Variants in NELL1 observed in about 807,000 individuals in gnomAD.
The protein encoded by NELL1 is neural EGFL like 1, also known as protein kinase C-binding protein NELL1.
A neutral mutation model predicts 107.4 loss-of-function variants in NELL1; 76 were observed. That is an observed-to-expected ratio of 0.71 (90% CI 0.59 to 0.86). NELL1 has a LOEUF of 0.86. NELL1 is among the 40% of genes least tolerant of loss of function. The pLI is 0.00. For missense variants in NELL1, 1,024 were observed against 1,005.5 expected, an observed-to-expected ratio of 1.02 and a Z score of -0.25; for synonymous variants, 353 against 341.2, an observed-to-expected ratio of 1.03 and a Z score of -0.38.
At chr11:21,128,015 AAAG>A (rs1306798612) in intron 13 of NELL1, among the ~76,000 whole-genome samples, 1 of 152,074 alleles carries the variant, frequency 6.6e-6, no homozygotes, top group East Asian at 1.9e-4. Flanking sequence ...CAGTTTGGAC[AAAG>A]AGTGCGTCAC....
chr11:21,062,210 A>C (rs1469875315), intron 12 of NELL1, among the ~76,000 whole-genome samples: 1 of 152,222 alleles, frequency 6.6e-6, no homozygotes, highest in African/African-American at 2.4e-5. Flanking sequence ...ATCATTAATA[A>C]TTTTTTAGTG....
At chr11:21,421,322 C>A (rs1167480352) in intron 15 of NELL1, among the ~76,000 whole-genome samples, 1 of 152,068 alleles carries the variant, frequency 6.6e-6, no homozygotes, top group Non-Finnish European at 1.5e-5. Flanking sequence ...CAGGGGAAGC[C>A]TTGAACAATA....
intron 14 of NELL1, among the ~76,000 whole-genome samples, chr11:21,263,181 CCTT>C (rs1344250681): frequency 2.6e-5 from 4 of 151,788 alleles, no homozygotes; most frequent in African/African-American, 7.3e-5. Context: ...GTTCTCACAT[CCTT>C]CTTCTTGGGT....
At chr11:20,688,180 C>CT (rs143780997) in intron 2 of NELL1, among the ~76,000 whole-genome samples, 4 of 151,418 alleles carry the variant, frequency 2.6e-5, no homozygotes, top group African/African-American at 7.3e-5. Flanking sequence ...TGAGAGAGAA[C>CT]TTTTTTTTTA....
chr11:21,274,460 A>T (rs2133938810), intron 14 of NELL1, among the ~76,000 whole-genome samples: 1 of 152,324 alleles, frequency 6.6e-6, no homozygotes, highest in South Asian at 2.1e-4. Flanking sequence ...GGAGACTTTA[A>T]CACCCCACTG....
chr11:21,217,519 G>A (rs376305173), intron 13 of NELL1, among the ~76,000 whole-genome samples: 10 of 152,226 alleles, frequency 6.6e-5, no homozygotes, highest in African/African-American at 1.9e-4. Context: ...TCTTTTGGAT[G>A]ACATAGTAAA....
At chr11:21,417,520 G>A (rs1263960481) in intron 15 of NELL1, among the ~76,000 whole-genome samples, 2 of 151,776 alleles carry the variant, frequency 1.3e-5, no homozygotes, top group Non-Finnish European at 2.9e-5. Flanking sequence ...ACATGACCCT[G>A]TGGGTTTTTT....
At chr11:20,954,782 C>T (rs997656842) in intron 11 of NELL1, among the ~76,000 whole-genome samples, 9 of 152,246 alleles carry the variant, frequency 5.9e-5, no homozygotes, top group Middle Eastern at 3.4e-3. Flanking sequence ...TTTGTCTCAC[C>T]GGCCCTTCAC....
intron 2 of NELL1, among the ~76,000 whole-genome samples, chr11:20,712,556 T>G (rs984997182): frequency 1.3e-5 from 2 of 152,204 alleles, no homozygotes; most frequent in African/African-American, 4.8e-5. Context: ...GAACCTGTTT[T>G]GTCATGTTAT....
intron 2 of NELL1, among the ~76,000 whole-genome samples, chr11:20,712,155 A>C (rs908942): frequency 0.88 from 134,121 of 152,100 alleles, 59,573 homozygotes; most frequent in Middle Eastern, 0.92. Context: ...TTTAAAAATT[A>C]TTTTTTCTTT....
At chr11:21,465,866 T>G (rs935781877) in intron 15 of NELL1, among the ~76,000 whole-genome samples, 2 of 152,086 alleles carry the variant, frequency 1.3e-5, no homozygotes, top group African/African-American at 4.8e-5. Flanking sequence ...TACTTGAACA[T>G]TAAAAAAATC....
At chr11:20,912,186 C>A (rs1265479122) in intron 5 of NELL1, among the ~76,000 whole-genome samples, 3 of 152,068 alleles carry the variant, frequency 2.0e-5, no homozygotes, top group African/African-American at 7.2e-5. Flanking sequence ...CTGGTGGATC[C>A]TTGTGGATAG....
At chr11:21,299,511 ATGTGTGTGTGTGTGTGTGTGTG>A (rs71063696) in intron 14 of NELL1, among the ~76,000 whole-genome samples, 2,074 of 136,440 alleles carry the variant, frequency 0.015, 26 homozygotes, top group Non-Finnish European at 0.021. Flanking sequence ...ATTGTCTTAT[ATGTGTGTGTGTGTGTGTGTGTG>A]TGTGTGTGTG....
chr11:21,085,382 C>T (rs966887491), intron 12 of NELL1, among the ~76,000 whole-genome samples: 2 of 152,148 alleles, frequency 1.3e-5, no homozygotes, highest in Admixed American at 6.5e-5. Context: ...ACCTATAATA[C>T]CAGTACTTTG....
intron 1 of NELL1, 31 bp from the exon 2 acceptor site, chr11:20,677,901 T>TAAGCCC: frequency 6.2e-7 from 1 of 1,612,122 alleles, no homozygotes; most frequent in Non-Finnish European, 8.5e-7. Context: ...GTCTGCATTT[T>TAAGCCC]AAGCCCAAAC....
At chr11:21,065,027 G>A (rs533992088) in intron 12 of NELL1, among the ~76,000 whole-genome samples, 1 of 152,214 alleles carries the variant, frequency 6.6e-6, no homozygotes, top group Non-Finnish European at 1.5e-5. Context: ...GGTACATTGT[G>A]TAGACAAATC....
Position 21,031,808 on chromosome 11 carries a change from G to A in NELL1, c.1300+71248G>A, listed in dbSNP as rs144423370. Among the ~76,000 whole-genome samples the A allele has an allele frequency of 2.8e-4, 43 of 152,180 alleles. 1 individual carries two copies. Among genetic ancestry groups the A allele is most frequent in the African/African-American group, 9.9e-4 (41 of 41,540 alleles). On this transcript the variant is annotated intron_variant, in intron 12 of 19. Transcript: ENST00000357134. ...TCACGCCTGTAATCCCAGCACTTTGGAAGGGCGAGGCAGGCGGATCACCTG... is the reference window on the plus strand; with the variant it reads ...TCACGCCTGTAATCCCAGCACTTTGAAAGGGCGAGGCAGGCGGATCACCTG...
chr11:21,378,127 A>G (rs1289057583), intron 15 of NELL1, among the ~76,000 whole-genome samples: 2 of 151,922 alleles, frequency 1.3e-5, no homozygotes, highest in African/African-American at 4.8e-5. Flanking sequence ...AAGCTTTTAA[A>G]AAGTCTCTAG....
At chr11:21,307,972 A>C (rs894364371) in intron 14 of NELL1, among the ~76,000 whole-genome samples, 2 of 152,036 alleles carry the variant, frequency 1.3e-5, no homozygotes, top group African/African-American at 4.8e-5. Context: ...ATAGGAGCCA[A>C]ACTAAATTGG....
Sources: gnomAD v4.1 joint callset for allele counts (sites outside exome capture counted in the v4.1 genomes callset) on GRCh38, gnomAD v4.1.1 for gene constraint, MANE v1.5 for transcripts, NCBI Gene and HGNC (gene_info 2026-07-23, HGNC 2026-07-21) for gene names.